MTHFD2L: variants seen among roughly 807,000 people sequenced by gnomAD.
The protein encoded by MTHFD2L is bifunctional methylenetetrahydrofolate dehydrogenase/cyclohydrolase 2, mitochondrial.
Under a neutral mutation model 34.9 loss-of-function variants are expected in MTHFD2L, and 29 were observed. The ratio of observed to expected loss-of-function variants is 0.83; its 90% CI spans 0.62 to 1.13. MTHFD2L has a LOEUF of 1.13. Ranked by LOEUF, MTHFD2L falls within the 50% of genes most tolerant of loss-of-function variation. MTHFD2L has a pLI of 0.00. For missense variants in MTHFD2L, 481 were observed against 446.5 expected (o/e 1.08, Z -0.70); for synonymous variants, 167 against 155.7 (o/e 1.07, Z -0.54).
In MTHFD2L at chr4:74,302,526, A is replaced by G. The variant is rs1203816137; in HGVS notation, c.*717A>G. 6.6e-6 allele frequency: 1 copy of G among 152,174 alleles called. No homozygotes were observed. The highest frequency in any genetic ancestry group is 1.9e-4 in the East Asian group (1 of 5,208). The allele number at this position is 152,174 out of a possible 1,614,324, so 9.4% of individuals were successfully genotyped here. On this transcript the variant is annotated 3_prime_UTR_variant, in exon 8 of 8. Coordinates refer to ENST00000325278, the MANE Select transcript of MTHFD2L (RefSeq NM_001144978.3). ...AATGACTACTTGCCACAGTAAAAAT[A>G]CATGAAGAATGTGTTAGGTTTAAAC...
At chr4:74,261,820 A>G (rs957468444) in intron 6 of MTHFD2L, among the ~76,000 whole-genome samples, 11 of 152,062 alleles carry the variant, frequency 7.2e-5, no homozygotes, top group African/African-American at 2.7e-4. Flanking sequence ...TACCTAAGTT[A>G]TAAGTTACTC....
intron 3 of MTHFD2L, among the ~76,000 whole-genome samples, chr4:74,176,491 C>G (rs1160969706): frequency 6.6e-6 from 1 of 152,006 alleles, no homozygotes; most frequent in Non-Finnish European, 1.5e-5. Context: ...CTGTTATCCA[C>G]TTTTGTAAAA....
chr4:74,151,594 G>A (rs1358472759), intron 1 of MTHFD2L, among the ~76,000 whole-genome samples: 1 of 152,160 alleles, frequency 6.6e-6, no homozygotes, highest in Non-Finnish European at 1.5e-5. Context: ...TGTGGTAAGG[G>A]TTAAAAGAAT....
At chr4:74,270,431 T>A (rs1745818163) in intron 6 of MTHFD2L, among the ~76,000 whole-genome samples, 1 of 152,170 alleles carries the variant, frequency 6.6e-6, no homozygotes, top group Non-Finnish European at 1.5e-5. Context: ...TTTGGTTTTT[T>A]GTTCTTGCAA....
chr4:74,143,805 T>C (rs1305941468), intron 1 of MTHFD2L, among the ~76,000 whole-genome samples: 1 of 152,186 alleles, frequency 6.6e-6, no homozygotes, highest in African/African-American at 2.4e-5. Flanking sequence ...CTCAATAATA[T>C]ATAACTTATG....
intron 5 of MTHFD2L, among the ~76,000 whole-genome samples, chr4:74,206,294 G>A (rs1037471618): frequency 6.6e-6 from 1 of 152,106 alleles, no homozygotes; most frequent in African/African-American, 2.4e-5. Flanking sequence ...TTGTTCTGGT[G>A]GCTAACTTGG....
At chr4:74,240,566 GA>G (rs1560521360) in intron 6 of MTHFD2L, among the ~76,000 whole-genome samples, 2 of 152,066 alleles carry the variant, frequency 1.3e-5, no homozygotes, top group African/African-American at 4.8e-5. Context: ...ATTCATTACA[GA>G]AAGAGATATG....
At chr4:74,139,006 C>G (rs371474475) in intron 1 of MTHFD2L, among the ~76,000 whole-genome samples, 71 of 152,212 alleles carry the variant, frequency 4.7e-4, no homozygotes, top group African/African-American at 1.7e-3. Flanking sequence ...AAGGTAGGTG[C>G]AGTCACCTTC....
chr4:74,243,934 T>C (rs189112950), intron 6 of MTHFD2L, among the ~76,000 whole-genome samples: 1 of 152,318 alleles, frequency 6.6e-6, no homozygotes, highest in Admixed American at 6.5e-5. Context: ...AAATTATAAA[T>C]AACACTGCTC....
chr4:74,150,160 G>T (rs865942703), intron 1 of MTHFD2L, among the ~76,000 whole-genome samples: 7 of 152,180 alleles, frequency 4.6e-5, no homozygotes, highest in African/African-American at 1.7e-4. Context: ...TCTCCTTAGA[G>T]CCTCCAGAAG....
intron 6 of MTHFD2L, among the ~76,000 whole-genome samples, chr4:74,280,077 C>T (rs986280251): frequency 6.6e-6 from 1 of 151,970 alleles, no homozygotes; most frequent in Non-Finnish European, 1.5e-5. Flanking sequence ...ATCTAGAATA[C>T]GAATGTGAGA....
chr4:74,183,736 G>A (rs1409130566), intron 3 of MTHFD2L: 2 of 151,662 alleles, frequency 1.3e-5, no homozygotes, highest in African/African-American at 2.4e-5. Context: ...ATCTGTCCAA[G>A]GAATTAAGAG....
chr4:74,162,762 T>G (rs1725739726), intron 1 of MTHFD2L, among the ~76,000 whole-genome samples: 1 of 152,142 alleles, frequency 6.6e-6, no homozygotes, highest in African/African-American at 2.4e-5. Context: ...TTAAAGAAAT[T>G]AAACTTGTCA....
chr4:74,125,404 A>G (rs1465007835), upstream of MTHFD2L: 3 of 152,180 alleles, frequency 2.0e-5, no homozygotes, highest in African/African-American at 4.8e-5. Context: ...AAAACCAGAT[A>G]AGTAATTTAC....
chr4:74,192,544 T>C (rs1330843810), intron 3 of MTHFD2L, among the ~76,000 whole-genome samples: 1 of 152,176 alleles, frequency 6.6e-6, no homozygotes, highest in Non-Finnish European at 1.5e-5. Context: ...TATGTATTAT[T>C]CCATAAGTTT....
intron 1 of MTHFD2L, among the ~76,000 whole-genome samples, chr4:74,132,579 G>T (rs1378254684): frequency 6.6e-6 from 1 of 151,978 alleles, no homozygotes; most frequent in Admixed American, 6.6e-5. Flanking sequence ...CACACACCAG[G>T]GCCTGTCAGA....
chr4:74,144,847 C>A (rs532613278), intron 1 of MTHFD2L, among the ~76,000 whole-genome samples: 21 of 151,986 alleles, frequency 1.4e-4, no homozygotes, highest in Non-Finnish European at 2.6e-4. Context: ...AGATCAATAC[C>A]TATATAGAGA....
At chr4:74,258,470 GA>G (rs1415703299) in intron 6 of MTHFD2L, among the ~76,000 whole-genome samples, 2 of 151,886 alleles carry the variant, frequency 1.3e-5, no homozygotes, top group African/African-American at 4.8e-5. Flanking sequence ...TTTATACACA[GA>G]TTTTTTTTAA....
chr4:74,235,192 T>C (rs1434466476), intron 6 of MTHFD2L, among the ~76,000 whole-genome samples: 1 of 152,146 alleles, frequency 6.6e-6, no homozygotes, highest in Non-Finnish European at 1.5e-5. Flanking sequence ...AGCACTGAAA[T>C]AACATCATAT....
Sources: gnomAD v4.1 joint callset for allele counts (sites outside exome capture counted in the v4.1 genomes callset) on GRCh38, gnomAD v4.1.1 for gene constraint, MANE v1.5 for transcripts, NCBI Gene and HGNC (gene_info 2026-07-23, HGNC 2026-07-21) for gene names.